Variants in DRC7 observed in about 807,000 individuals in gnomAD.
DRC7 encodes coiled-coil domain containing 135.
Under a neutral mutation model 104.4 loss-of-function variants are expected in DRC7, and 80 were observed. That is an observed-to-expected ratio of 0.77 (90% CI 0.64 to 0.92). The LOEUF (loss-of-function observed/expected upper bound fraction) is 0.92. Ranked by LOEUF, DRC7 falls within the 40% of genes least tolerant of loss-of-function variation. The pLI is 0.00. For synonymous variants in DRC7, 405 were observed against 447.3 expected, an observed-to-expected ratio of 0.91 and a Z score of 1.19; for missense variants, 1,034 against 1,141.1, an observed-to-expected ratio of 0.91 and a Z score of 1.35.
At chr16:57,726,330 C>A in intron 14 of DRC7, 47 bp downstream of exon 14, 1 of 1,521,424 alleles carries the variant, frequency 6.6e-7, no homozygotes, top group African/African-American at 1.4e-5. Flanking sequence ...CAGGAGGAAC[C>A]GGGGCTCTCT....
chr16:57,725,710 T>C (rs2048954604), intron 13 of DRC7: 1 of 234,964 alleles, frequency 4.3e-6, no homozygotes, highest in Non-Finnish European at 8.4e-6. Context: ...TCATTACAAA[T>C]TAGTTGGCAA....
intron 8 of DRC7, among the ~76,000 whole-genome samples, chr16:57,715,931 G>A (rs1212560887): frequency 6.6e-6 from 1 of 152,238 alleles, no homozygotes; most frequent in Non-Finnish European, 1.5e-5. Flanking sequence ...ATGAGGAAGA[G>A]ATGATGGCAT....
intron 1 of DRC7, among the ~76,000 whole-genome samples, chr16:57,695,923 G>C (rs1160455990): frequency 6.6e-6 from 1 of 152,236 alleles, no homozygotes; most frequent in Non-Finnish European, 1.5e-5. Flanking sequence ...ATGTGGGTGT[G>C]GAGTTGGAAA....
chr16:57,712,867 G>C (rs994491444), intron 8 of DRC7, among the ~76,000 whole-genome samples: 1 of 151,918 alleles, frequency 6.6e-6, no homozygotes, highest in Admixed American at 6.6e-5. Flanking sequence ...TCTTTCTCTC[G>C]GAAGTACTAC....
At position 57,727,275 on chromosome 16, in the gene DRC7, G is replaced by A. The variant is rs202246420; in HGVS notation, c.2086-24G>A. 6.2e-5 allele frequency: 98 copies of A among 1,569,842 alleles called. No homozygotes were observed. The African/African-American group carries it at 6.9e-4, about 11-fold the overall frequency. ...AGTGGAGGAGGGGTGTCTCCATCACGCCCTCCAACACTTCTCATTTCAGGT... is the reference window on the plus strand; with the variant it reads ...AGTGGAGGAGGGGTGTCTCCATCACACCCTCCAACACTTCTCATTTCAGGT... On this transcript the variant is annotated intron_variant, in intron 15 of 18. Transcript: ENST00000360716.
intron 17 of DRC7, among the ~76,000 whole-genome samples, chr16:57,729,804 G>GA (rs1308176157): frequency 1.5e-5 from 2 of 134,252 alleles, no homozygotes; most frequent in Admixed American, 7.0e-5. Flanking sequence ...ATGGATGGAT[G>GA]AGTGAGTAGG....
At chr16:57,712,621 T>C (rs2048800790) in intron 8 of DRC7, among the ~76,000 whole-genome samples, 1 of 152,228 alleles carries the variant, frequency 6.6e-6, no homozygotes, top group Non-Finnish European at 1.5e-5. Context: ...TACTTTTTTC[T>C]AGTTTCTTAA....
rs566238252 is a variant in DRC7 at position 57,707,416 on chromosome 16, T to C, written c.859-44T>C. ...GAGATGTCTGGGCCCCTGACACTCC[T>C]CTTCCAGCCATCTGACTCGTAGTCA... On this transcript the variant is annotated intron_variant, in intron 7 of 18. Transcript: ENST00000360716. The C allele has an allele frequency of 9.0e-5, 141 of 1,566,844 alleles. No homozygotes were observed. In the South Asian group the frequency reaches 1.6e-3, roughly 18 times the overall value.
At chr16:57,703,161 G>A (rs1471257189) in intron 6 of DRC7, among the ~76,000 whole-genome samples, 2 of 142,206 alleles carry the variant, frequency 1.4e-5, no homozygotes, top group Non-Finnish European at 3.0e-5. Context: ...TTATAGGCCT[G>A]AGCCACCGTG....
chr16:57,715,746 G>A (rs1463839559), intron 8 of DRC7, among the ~76,000 whole-genome samples: 1 of 152,174 alleles, frequency 6.6e-6, no homozygotes, highest in Admixed American at 6.5e-5. Flanking sequence ...CCTCCCCCAG[G>A]GCCTGGGCTC....
intron 4 of DRC7, 58 bp downstream of exon 4, chr16:57,699,082 A>G (rs1194539060): frequency 7.0e-6 from 11 of 1,576,480 alleles, no homozygotes; most frequent in Non-Finnish European, 1.7e-6. Flanking sequence ...AGCAGAGGGC[A>G]CAGGGAAGTG....
At chr16:57,708,348 CA>C (rs1376238877) in intron 8 of DRC7, among the ~76,000 whole-genome samples, 25 of 152,214 alleles carry the variant, frequency 1.6e-4, no homozygotes, top group African/African-American at 6.0e-4. Context: ...GAGTTTACAT[CA>C]GTTGAATCAC....
At chr16:57,702,249 C>G in intron 6 of DRC7, 119 bp downstream of exon 6, 1 of 965,554 alleles carries the variant, frequency 1.0e-6, no homozygotes, top group Non-Finnish European at 1.5e-6. Flanking sequence ...CACGCGGACA[C>G]AGATCCCTCA....
rs2048945360 is a variant in DRC7 at position 57,724,811 on chromosome 16, A to G, written c.1734A>G (p.Ala578=). The change falls in exon 13 of 19, where the codon GCA becomes GCG. Residue 578 remains alanine, a synonymous_variant. Transcript: ENST00000360716. ...TCAAGAAGCTCACTCTGAGCAGTGC[A>G]GAGTCAAACCCCCGGCCCATTGTGG... ...PRVKKLTLSS[A]ESNPRPIVKI... 2 of 1,613,390 alleles carry G rather than the reference A, an allele frequency of 1.2e-6. No individual in the cohort carries two copies. Among genetic ancestry groups the G allele is most frequent in the South Asian group, 1.1e-5 (1 of 91,056 alleles).
intron 8 of DRC7, among the ~76,000 whole-genome samples, chr16:57,708,290 A>G (rs1057070251): frequency 1.8e-4 from 28 of 152,290 alleles, no homozygotes; most frequent in African/African-American, 6.0e-4. Context: ...CCCAGAGTTA[A>G]GCACTATCTT....
rs1432678251 is a variant in DRC7, at chr16:57,698,929, C to T, written c.283C>T (p.Leu95=). The T allele has an allele frequency of 4.3e-6, 7 of 1,614,170 alleles. No homozygotes were observed. The East Asian group carries it at 1.6e-4, about 36-fold the overall frequency. The change falls in exon 4 of 19, where the codon CTG becomes TTG. Residue 95 remains leucine (L), a synonymous_variant. Transcript: ENST00000360716. ...CAACACACCCAAGGAGGAACACCTG[C>T]TGCAGGTGGCAGACAACTTCTCCCG... ...KTNTPKEEHL[L]QVADNFSRQY... is the part of the protein sequence containing the mutation.
chr16:57,698,899 A>G lies in DRC7; in HGVS notation c.253A>G (p.Lys85Glu). The change falls in exon 4 of 19, where the codon AAA (lysine) becomes GAA (glutamate). Residue 85 changes from lysine (K) to glutamate (E), a missense_variant. Lys to Glu is a moderately conservative substitution (Grantham distance 56). Transcript: ENST00000360716. ...IDISKLPISYKTNTPKEEHLL... is the reference protein window; with the variant it reads ...IDISKLPISYETNTPKEEHLL... ...CATCTCCAAGCTGCCCATTTCCTACAAAACCAACACACCCAAGGAGGAACA... is the reference window on the plus strand; with the variant it reads ...CATCTCCAAGCTGCCCATTTCCTACGAAACCAACACACCCAAGGAGGAACA... 1 of 1,614,136 alleles carries G rather than the reference A, an allele frequency of 6.2e-7. No individual in the cohort carries two copies. Among genetic ancestry groups the G allele is most frequent in the Non-Finnish European group, 8.5e-7 (1 of 1,179,998 alleles).
At chr16:57,703,092 T>C (rs551747508) in intron 6 of DRC7, among the ~76,000 whole-genome samples, 254 of 151,036 alleles carry the variant, frequency 1.7e-3, no homozygotes, top group African/African-American at 5.9e-3. Context: ...TTGTCCAGGC[T>C]GGTCGTGAAC....
At chr16:57,721,776 A>T in intron 10 of DRC7, 37 bp downstream of exon 10, 1 of 1,548,624 alleles carries the variant, frequency 6.5e-7, no homozygotes, top group Non-Finnish European at 8.9e-7. Context: ...TCCTCTCCAG[A>T]TCCAGTTCCT....
Sources: allele counts gnomAD v4.1 joint callset (sites outside exome capture counted in the v4.1 genomes callset), GRCh38; gene constraint gnomAD v4.1.1; transcripts MANE v1.5; gene names NCBI Gene and HGNC (gene_info 2026-07-23, HGNC 2026-07-21).